The following LMLN variants were observed in gnomAD, a reference collection of about 807,000 sequenced individuals.
LMLN encodes the protein leishmanolysin-like peptidase.
LMLN carries 70 observed loss-of-function variants against 92.3 expected under a neutral mutation model. That is an observed-to-expected ratio of 0.76 (90% CI 0.63 to 0.92). The LOEUF (loss-of-function observed/expected upper bound fraction) is 0.92, where lower values mean the gene tolerates loss of function less well. Among genes scored for constraint, LMLN ranks in the 40% least tolerant of loss-of-function variants. The pLI, the probability that LMLN is intolerant of heterozygous loss-of-function variation, is 0.00. For synonymous variants in LMLN, 308 were observed against 296.2 expected (o/e 1.04, Z -0.41); for missense variants, 691 against 814.6 (o/e 0.85, Z 1.85).
intron 9 of LMLN, among the ~76,000 whole-genome samples, chr3:197,995,392 C>A (rs546081461): frequency 6.6e-6 from 1 of 152,234 alleles, no homozygotes; most frequent in East Asian, 1.9e-4. Flanking sequence ...GCCACTAACA[C>A]AATGGAATAC....
chr3:197,994,799 G>C (rs949949926), intron 9 of LMLN: 3 of 152,210 alleles, frequency 2.0e-5, no homozygotes, highest in African/African-American at 7.2e-5. Context: ...AAAACTGGAA[G>C]TTCTTCAAAA....
chr3:198,020,766 G>GTTTGTTTTTTTTTT (rs1260852398), intron 12 of LMLN, among the ~76,000 whole-genome samples: 10 of 25,634 alleles, frequency 3.9e-4, no homozygotes, highest in African/African-American at 1.5e-3. Flanking sequence ...GCTAATTTTT[G>GTTTGTTTTTTTTTT]TATTTTTTTT....
chr3:197,961,739 A>G (rs975026483), intron 1 of LMLN, among the ~76,000 whole-genome samples: 6 of 152,196 alleles, frequency 3.9e-5, no homozygotes, highest in African/African-American at 9.7e-5. Context: ...CCTCTGTTCA[A>G]TGCTACAGGA....
At chr3:197,996,639 AC>A (rs1560144113) in intron 10 of LMLN, 1 of 156,192 alleles carries the variant, frequency 6.4e-6, no homozygotes, top group Admixed American at 6.5e-5. Flanking sequence ...AAATAACAAG[AC>A]TTGTGGGAAA....
intron 11 of LMLN, among the ~76,000 whole-genome samples, chr3:198,010,976 A>C (rs1247983949): frequency 6.6e-6 from 1 of 152,236 alleles, no homozygotes; most frequent in Non-Finnish European, 1.5e-5. Context: ...TGTGTTGTTT[A>C]GTATACAAAT....
At chr3:197,969,821 A>G (rs1033417881) in intron 1 of LMLN, among the ~76,000 whole-genome samples, 10 of 152,182 alleles carry the variant, frequency 6.6e-5, no homozygotes, top group Non-Finnish European at 1.2e-4. Flanking sequence ...TTGTAAATAT[A>G]TTAATATATG....
chr3:197,999,375 C>T (rs2109898709), intron 11 of LMLN, 33 bp downstream of exon 11: 2 of 1,449,398 alleles, frequency 1.4e-6, no homozygotes, highest in Non-Finnish European at 1.9e-6. Context: ...ATATGAATTG[C>T]TTATGAAAAT....
chr3:197,968,560 C>T (rs137890282), intron 1 of LMLN, among the ~76,000 whole-genome samples: 264 of 152,116 alleles, frequency 1.7e-3, no homozygotes, highest in African/African-American at 5.2e-3. Flanking sequence ...GACAGGCATA[C>T]GAAATTATAA....
Position 197,983,957 on chromosome 3 carries a change from A to T in LMLN, c.743A>T (p.Tyr248Phe), listed in dbSNP as rs757039749. ...TGTTTTGACAGGCCAATAGCAGGAT[A>T]TGCTAACCTGTGTCCAAATATGATC... Residue 248 changes from tyrosine to phenylalanine, a missense_variant, in exon 7 of 16, where the codon TAT becomes TTT. Physicochemically the swap from Tyr to Phe is conservative, Grantham distance 22. Transcript: ENST00000330198. The T allele has an allele frequency of 5.2e-5, 84 of 1,611,042 alleles. No homozygotes were observed. Among genetic ancestry groups the T allele is most frequent in the Non-Finnish European group, 2.5e-6 (3 of 1,177,438 alleles).
At chr3:198,006,490 G>T (rs1038912645) in intron 11 of LMLN, among the ~76,000 whole-genome samples, 1 of 152,150 alleles carries the variant, frequency 6.6e-6, no homozygotes, top group Non-Finnish European at 1.5e-5. Flanking sequence ...GTAAGAAAAT[G>T]CCAAACTTTT....
intron 11 of LMLN, among the ~76,000 whole-genome samples, chr3:198,002,146 T>C (rs1722191484): frequency 6.6e-6 from 1 of 152,202 alleles, no homozygotes; most frequent in Non-Finnish European, 1.5e-5. Context: ...CTTTCTTTTT[T>C]CTCTTACTAG....
intron 15 of LMLN, chr3:198,038,330 G>T: frequency 7.2e-6 from 3 of 419,150 alleles, no homozygotes; most frequent in East Asian, 4.1e-5. Flanking sequence ...ATTTTTTTTG[G>T]ATACCATTTT....
intron 11 of LMLN, 35 bp downstream of exon 11, chr3:197,999,377 T>C (rs369407020): frequency 7.0e-7 from 1 of 1,428,882 alleles, no homozygotes; most frequent in Non-Finnish European, 9.9e-7. Flanking sequence ...ATGAATTGCT[T>C]ATGAAAATGA....
At chr3:198,029,496 A>C (rs1581182887) in intron 14 of LMLN, among the ~76,000 whole-genome samples, 1 of 152,068 alleles carries the variant, frequency 6.6e-6, no homozygotes, top group East Asian at 1.9e-4. Flanking sequence ...ACATGGTGAA[A>C]CCCTGTCTCT....
chr3:197,980,056 G>T (rs1188056561), intron 5 of LMLN, among the ~76,000 whole-genome samples: 1 of 152,058 alleles, frequency 6.6e-6, no homozygotes, highest in Non-Finnish European at 1.5e-5. Context: ...TCAGCGTCCT[G>T]TTTGGTTGGC....
rs1241377836 is a variant in LMLN at position 197,982,223 on chromosome 3, CT to C, written c.729-1700del. 2.7e-3 allele frequency among the ~76,000 whole-genome samples: 314 copies of C among 116,562 alleles called. 1 individual carries two copies. The highest frequency in any genetic ancestry group is 0.024 in the South Asian group (90 of 3,734). 76.5% of individuals were successfully genotyped at this position (116,562 alleles called of 152,430 possible). Reference sequence around the variant, plus strand: ...TGTTAAAAGAAAAAGCAGTTACCTTCTTTTTTTTTTTTTTTTTTTTGAGACG... The same window carrying C: ...TGTTAAAAGAAAAAGCAGTTACCTTCTTTTTTTTTTTTTTTTTTTGAGACG... On this transcript the variant is annotated intron_variant, in intron 6 of 15. Transcript: ENST00000330198.
rs145278911 is a variant in LMLN at position 197,970,889 on chromosome 3, T to C, written c.220-3488T>C. The stretch of plus-strand genomic sequence containing the variant: ...TTTATTTCTTCCTACAGAAACAGGT[T>C]ACCCTTTTGTGTTATTTCCATTCCC... On this transcript the variant is annotated intron_variant, in intron 1 of 15. Coordinates refer to ENST00000330198, the Ensembl canonical transcript of LMLN. Among the ~76,000 whole-genome samples, 641 of 152,372 alleles carry C rather than the reference T, an allele frequency of 4.2e-3. 6 individuals carry two copies. The highest frequency in any genetic ancestry group is 0.015 in the African/African-American group (616 of 41,586).
chr3:197,976,042 C>A, exon 4 of LMLN: 1 of 1,593,526 alleles, frequency 6.3e-7, no homozygotes, highest in Non-Finnish European at 8.6e-7. Context: ...AAGCTTTTCC[C>A]ACAAGCGATT....
exon 16 of LMLN, chr3:198,041,271 G>A (rs962384105): frequency 6.6e-6 from 1 of 152,138 alleles, no homozygotes; most frequent in Admixed American, 6.5e-5. Context: ...TAACTAAAAA[G>A]AAGCTAATAC....
Sources: allele counts gnomAD v4.1 joint callset (sites outside exome capture counted in the v4.1 genomes callset), GRCh38; gene constraint gnomAD v4.1.1; transcripts MANE v1.5; gene names NCBI Gene and HGNC (gene_info 2026-07-23, HGNC 2026-07-21).